The following FSTL4 variants were observed in gnomAD, a reference collection of about 807,000 sequenced individuals.
The protein encoded by FSTL4 is follistatin-related protein 4.
A neutral mutation model predicts 78.2 loss-of-function variants in FSTL4; 28 were observed. That is an observed-to-expected ratio of 0.36 (90% CI 0.27 to 0.49). The LOEUF (loss-of-function observed/expected upper bound fraction) is 0.49, where lower values mean the gene tolerates loss of function less well. FSTL4 is among the 20% of genes least tolerant of loss of function. FSTL4 has a pLI of 0.98. For missense variants in FSTL4, 922 were observed against 1,084.9 expected (o/e 0.85, Z 2.11); for synonymous variants, 422 against 440.5 (o/e 0.96, Z 0.53).
chr5:133,750,597 C>T, the FSTL4 span, among the ~76,000 whole-genome samples: 7 of 152,072 alleles, frequency 4.6e-5, no homozygotes, highest in Non-Finnish European at 8.8e-5. Context: ...GAGAGGAGCG[C>T]GAGGGAAAAC....
intron 3 of FSTL4, among the ~76,000 whole-genome samples, chr5:133,507,712 G>A (rs1758638675): frequency 1.3e-5 from 2 of 151,624 alleles, no homozygotes; most frequent in African/African-American, 4.9e-5. Flanking sequence ...TAGTAGAGAT[G>A]GGGTTTCGCT....
At chr5:133,752,448 C>G in the FSTL4 span, among the ~76,000 whole-genome samples, 1 of 152,000 alleles carries the variant, frequency 6.6e-6, no homozygotes, top group Non-Finnish European at 1.5e-5. Context: ...GAAACCCCGT[C>G]TCTACTAAAA....
chr5:133,432,941 A>G (rs1756969851), intron 3 of FSTL4, among the ~76,000 whole-genome samples: 1 of 152,240 alleles, frequency 6.6e-6, no homozygotes, highest in South Asian at 2.1e-4. Flanking sequence ...TATGTGTGGC[A>G]TGGCCCAGAT....
At chr5:133,299,160 G>T (rs548226039) in intron 6 of FSTL4, among the ~76,000 whole-genome samples, 1 of 152,294 alleles carries the variant, frequency 6.6e-6, no homozygotes, top group East Asian at 1.9e-4. Flanking sequence ...TTACAGAGGG[G>T]CTGGGGCCTG....
chr5:133,374,279 G>A (rs1254816153), intron 4 of FSTL4, among the ~76,000 whole-genome samples: 2 of 152,146 alleles, frequency 1.3e-5, no homozygotes, highest in South Asian at 2.1e-4. Flanking sequence ...ATTTATTCAC[G>A]AGAAGTCCCT....
the FSTL4 span, among the ~76,000 whole-genome samples, chr5:133,668,091 C>T: frequency 4.6e-5 from 7 of 152,194 alleles, no homozygotes; most frequent in African/African-American, 1.4e-4. Flanking sequence ...AACCTGTGTC[C>T]AGACTTTAGG....
At chr5:133,351,968 C>CT (rs11418609) in intron 4 of FSTL4, among the ~76,000 whole-genome samples, 52,459 of 151,276 alleles carry the variant, frequency 0.35, 10,558 homozygotes, top group African/African-American at 0.56. Context: ...TAGTATGGCT[C>CT]TTTTTTTTAT....
the FSTL4 span, among the ~76,000 whole-genome samples, chr5:133,806,163 T>G: frequency 6.6e-6 from 1 of 152,188 alleles, no homozygotes; most frequent in Non-Finnish European, 1.5e-5. Context: ...GCTGCGAGGG[T>G]AGAGGCTTTT....
chr5:133,529,522 C>T (rs823983), intron 3 of FSTL4, among the ~76,000 whole-genome samples: 55,835 of 152,000 alleles, frequency 0.37, 10,435 homozygotes, highest in East Asian at 0.43. Context: ...TATGCACCAA[C>T]CTCTGTTTTA....
At chr5:133,632,304 C>A in the FSTL4 span, among the ~76,000 whole-genome samples, 1 of 152,058 alleles carries the variant, frequency 6.6e-6, no homozygotes, top group African/African-American at 2.4e-5. Flanking sequence ...ACATTTATAA[C>A]CACAACAGAT....
chr5:133,300,155 G>A (rs1753500911), intron 6 of FSTL4, among the ~76,000 whole-genome samples: 1 of 152,190 alleles, frequency 6.6e-6, no homozygotes, highest in Non-Finnish European at 1.5e-5. Flanking sequence ...GGAGGCCCGG[G>A]ATGCAGGATG....
chr5:133,296,334 C>A (rs1753395696), intron 6 of FSTL4, among the ~76,000 whole-genome samples: 1 of 152,252 alleles, frequency 6.6e-6, no homozygotes, highest in African/African-American at 2.4e-5. Flanking sequence ...CATGCTCCTA[C>A]TTTTGCCCTG....
intron 1 of FSTL4, among the ~76,000 whole-genome samples, chr5:133,605,304 G>A: frequency 6.6e-6 from 1 of 152,190 alleles, no homozygotes; most frequent in South Asian, 2.1e-4. Flanking sequence ...AGGCTGGTGA[G>A]TTAAAGACAC....
intron 4 of FSTL4, among the ~76,000 whole-genome samples, chr5:133,328,746 C>T (rs1176065397): frequency 6.6e-6 from 1 of 152,164 alleles, no homozygotes; most frequent in Non-Finnish European, 1.5e-5. Flanking sequence ...TAGTGCTGGA[C>T]TAGAGGTCAG....
chr5:133,739,486 G>A, the FSTL4 span, among the ~76,000 whole-genome samples: 1 of 152,070 alleles, frequency 6.6e-6, no homozygotes, highest in African/African-American at 2.4e-5. Flanking sequence ...CCAATCAGAG[G>A]GAGAGTCAGA....
chr5:133,502,515 G>A lies in FSTL4; in HGVS notation c.160+64671C>T, dbSNP rs146863412. 6.3e-3 allele frequency among the ~76,000 whole-genome samples: 956 copies of A among 152,294 alleles called. 6 individuals carry two copies. The highest frequency in any genetic ancestry group is 0.01 in the Non-Finnish European group (706 of 68,030). Reference sequence around the variant, plus strand: ...TTGCAATCCCCAGTGTTGGAGGTGGGGCCTGGTGGGAGGCAATTGGATCAT... The same window carrying A: ...TTGCAATCCCCAGTGTTGGAGGTGGAGCCTGGTGGGAGGCAATTGGATCAT... On this transcript the variant is annotated intron_variant, in intron 3 of 15. Transcript: ENST00000265342.
At chr5:133,696,264 G>T in the FSTL4 span, among the ~76,000 whole-genome samples, 4 of 152,236 alleles carry the variant, frequency 2.6e-5, no homozygotes, top group Non-Finnish European at 2.9e-5. Flanking sequence ...GCAGGGGACT[G>T]GGGGGTATCT....
intron 6 of FSTL4, among the ~76,000 whole-genome samples, chr5:133,303,119 G>A (rs1436923566): frequency 6.6e-6 from 1 of 152,182 alleles, no homozygotes; most frequent in Admixed American, 6.5e-5. Context: ...TGCCGTCTTT[G>A]CATACACTCA....
intron 3 of FSTL4, among the ~76,000 whole-genome samples, chr5:133,483,950 T>C (rs1758080093): frequency 6.6e-6 from 1 of 152,182 alleles, no homozygotes; most frequent in Admixed American, 6.5e-5. Flanking sequence ...AGCGAGAATG[T>C]CCACTCCTGC....
Sources: gnomAD v4.1 joint callset for allele counts (sites outside exome capture counted in the v4.1 genomes callset) on GRCh38, gnomAD v4.1.1 for gene constraint, MANE v1.5 for transcripts, NCBI Gene and HGNC (gene_info 2026-07-23, HGNC 2026-07-21) for gene names.